The following ZFHX3 variants were observed in gnomAD, a reference collection of about 807,000 sequenced individuals.
ZFHX3 encodes zinc finger homeobox 3.
In ZFHX3, 42 loss-of-function variants were observed where a neutral mutation model predicts 279.1. The observed-to-expected ratio is 0.15, with a 90% CI of 0.12 to 0.19. The LOEUF is 0.19. Among genes scored for constraint, ZFHX3 ranks in the 10% least tolerant of loss-of-function variants. The probability of loss-of-function intolerance (pLI) is 1.00; values close to 1 mark genes in which losing one functional copy is unlikely to be tolerated. For missense variants in ZFHX3, 4,981 were observed against 4,754.0 expected, an observed-to-expected ratio of 1.05 and a Z score of -1.40; for synonymous variants, 2,293 against 1,957.8, an observed-to-expected ratio of 1.17 and a Z score of -4.52.
At chr16:72,839,630 A>AC (rs796514539) in intron 4 of ZFHX3, among the ~76,000 whole-genome samples, 105 of 150,924 alleles carry the variant, frequency 7.0e-4, no homozygotes, top group African/African-American at 2.1e-3. Flanking sequence ...ATAAAGCCCC[A>AC]CCCCCCCCAA....
chr16:73,647,857 A>C (rs1024014073), intron 2 of ZFHX3, among the ~76,000 whole-genome samples: 1 of 152,218 alleles, frequency 6.6e-6, no homozygotes, highest in Non-Finnish European at 1.5e-5. Flanking sequence ...GAAAAACCCA[A>C]ATGAAAAAAT....
chr16:73,591,411 G>T (rs1258715244), intron 2 of ZFHX3, among the ~76,000 whole-genome samples: 1 of 147,146 alleles, frequency 6.8e-6, no homozygotes, highest in Non-Finnish European at 1.5e-5. Context: ...AAAGCAGAGG[G>T]GGCCGGGTGC....
chr16:73,879,363 G>A (rs1231197536), intron 1 of ZFHX3, among the ~76,000 whole-genome samples: 1 of 151,264 alleles, frequency 6.6e-6, no homozygotes, highest in African/African-American at 2.4e-5. Context: ...GTTCTTATGC[G>A]GTATGGGATG....
At chr16:72,810,731 A>G (rs1403107237) in intron 7 of ZFHX3, among the ~76,000 whole-genome samples, 1 of 152,170 alleles carries the variant, frequency 6.6e-6, no homozygotes, top group Non-Finnish European at 1.5e-5. Flanking sequence ...TTTAAAAATC[A>G]AAGTATCCAC....
intron 5 of ZFHX3, among the ~76,000 whole-genome samples, chr16:73,191,667 C>T (rs929425969): frequency 1.3e-5 from 2 of 152,170 alleles, no homozygotes; most frequent in African/African-American, 4.8e-5. Flanking sequence ...TAAGTCTGAT[C>T]TCTCTCTGGT....
At chr16:73,228,920 G>A (rs900405983) in intron 5 of ZFHX3, among the ~76,000 whole-genome samples, 3 of 152,118 alleles carry the variant, frequency 2.0e-5, no homozygotes, top group Non-Finnish European at 4.4e-5. Flanking sequence ...GGAAGACGTC[G>A]TGGCTTGGGT....
At chr16:72,853,970 G>C (rs1039242317) in intron 4 of ZFHX3, among the ~76,000 whole-genome samples, 2 of 151,624 alleles carry the variant, frequency 1.3e-5, no homozygotes, top group Non-Finnish European at 2.9e-5. Flanking sequence ...AAAAAGAAAA[G>C]AAAAGAAAAG....
intron 3 of ZFHX3, among the ~76,000 whole-genome samples, chr16:73,388,506 T>C (rs1000535686): frequency 1.3e-5 from 2 of 152,090 alleles, no homozygotes; most frequent in Non-Finnish European, 2.9e-5. Context: ...GCTTTTGAAA[T>C]ATCCTGTTTA....
intron 4 of ZFHX3, among the ~76,000 whole-genome samples, chr16:72,853,702 A>G (rs927017411): frequency 2.6e-5 from 4 of 152,246 alleles, no homozygotes; most frequent in African/African-American, 7.2e-5. Context: ...AGAGGGCAGT[A>G]GAAGGATGCA....
chr16:73,548,318 C>T (rs2020153179), intron 2 of ZFHX3, among the ~76,000 whole-genome samples: 1 of 152,190 alleles, frequency 6.6e-6, no homozygotes, highest in South Asian at 2.1e-4. Context: ...ACCTAATAAA[C>T]CGAACACTGG....
chr16:72,901,493 C>T (rs1331239744), intron 3 of ZFHX3, among the ~76,000 whole-genome samples: 2 of 152,174 alleles, frequency 1.3e-5, no homozygotes, highest in African/African-American at 4.8e-5. Flanking sequence ...CCTTCTGCCT[C>T]GTACAAGGGG....
At chr16:73,695,579 A>G (rs1308213009) in intron 1 of ZFHX3, among the ~76,000 whole-genome samples, 2 of 152,198 alleles carry the variant, frequency 1.3e-5, no homozygotes, top group African/African-American at 2.4e-5. Flanking sequence ...TAGAAAAGGA[A>G]AAGAACAGGG....
At chr16:73,030,394 G>T (rs1041723434) in intron 1 of ZFHX3, among the ~76,000 whole-genome samples, 2 of 152,218 alleles carry the variant, frequency 1.3e-5, no homozygotes, top group Admixed American at 6.5e-5. Flanking sequence ...TCCATGGAAG[G>T]AGAGCAGACC....
intron 3 of ZFHX3, among the ~76,000 whole-genome samples, chr16:72,940,128 T>A (rs1960340647): frequency 6.6e-6 from 1 of 151,886 alleles, no homozygotes; most frequent in African/African-American, 2.4e-5. Context: ...CCCAGGCTGG[T>A]CTTGAACTCC....
At chr16:73,372,904 C>T (rs1043295324) in intron 3 of ZFHX3, among the ~76,000 whole-genome samples, 1 of 152,176 alleles carries the variant, frequency 6.6e-6, no homozygotes, top group Non-Finnish European at 1.5e-5. Flanking sequence ...CCCTCGCATG[C>T]AGACACCTTC....
rs376311468 is a variant in ZFHX3 at position 72,788,664 on chromosome 16, T to TTGCTGCTGC, written c.9603_9611dup (p.Gln3202_Gln3204dup). 1,058 of 1,611,730 alleles carry TTGCTGCTGC rather than the reference T, an allele frequency of 6.6e-4. 10 individuals are homozygous for TTGCTGCTGC. In the East Asian group the frequency reaches 0.019, roughly 28 times the overall value. On this transcript the variant is annotated inframe_insertion, in exon 10 of 10. Transcript: ENST00000268489. ...GCGGGGGAGGCTGCTGCACCTGTGG[T>TTGCTGCTGC]TGCTGCTGCTGCTGCTGCTGCTGGG...
chr16:73,038,565 A>G (rs1018165436), intron 1 of ZFHX3, among the ~76,000 whole-genome samples: 2 of 152,222 alleles, frequency 1.3e-5, no homozygotes, highest in Admixed American at 6.5e-5. Context: ...CCAGAACATC[A>G]TGGTGAAATC....
chr16:73,312,392 A>G (rs944141739), intron 4 of ZFHX3, among the ~76,000 whole-genome samples: 1 of 146,172 alleles, frequency 6.8e-6, no homozygotes, highest in Non-Finnish European at 1.5e-5. Flanking sequence ...AAACACAAAG[A>G]AAAAAAAAAA....
At chr16:72,868,570 C>T (rs369707245) in intron 4 of ZFHX3, among the ~76,000 whole-genome samples, 2 of 152,216 alleles carry the variant, frequency 1.3e-5, no homozygotes, top group East Asian at 1.9e-4. Context: ...CTCCGCACTC[C>T]CTAGAGGGGA....
Sources: gnomAD v4.1 joint callset for allele counts (sites outside exome capture counted in the v4.1 genomes callset) on GRCh38, gnomAD v4.1.1 for gene constraint, MANE v1.5 for transcripts, NCBI Gene and HGNC (gene_info 2026-07-23, HGNC 2026-07-21) for gene names.